GCSH: variants seen among roughly 807,000 people sequenced by gnomAD.
GCSH encodes the protein glycine cleavage system H protein, mitochondrial.
A neutral mutation model predicts 21.3 loss-of-function variants in GCSH; 15 were observed. The ratio of observed to expected loss-of-function variants is 0.70; its 90% CI spans 0.47 to 1.08. GCSH has a LOEUF of 1.08. Among genes scored for constraint, GCSH ranks in the 50% least tolerant of loss-of-function variants. The pLI is 0.00. For synonymous variants in GCSH, 59 were observed against 84.5 expected, an observed-to-expected ratio of 0.70 and a Z score of 1.66; for missense variants, 179 against 217.5, an observed-to-expected ratio of 0.82 and a Z score of 1.11.
chr16:81,092,891 G>T (rs558429387), intron 1 of GCSH, among the ~76,000 whole-genome samples: 1 of 152,066 alleles, frequency 6.6e-6, no homozygotes, highest in East Asian at 1.9e-4. Flanking sequence ...CAGCACTTTG[G>T]GAGGCCAAGG....
chr16:81,083,451 AGGTTG>A, intron 4 of GCSH: 1 of 186,206 alleles, frequency 5.4e-6, no homozygotes, highest in South Asian at 1.0e-4. Context: ...CGAGAAGGGG[AGGTTG>A]CAGTGCACCG....
At chr16:81,083,143 G>A in intron 4 of GCSH, 180 bp from the exon 5 acceptor site, 2 of 624,226 alleles carry the variant, frequency 3.2e-6, no homozygotes, top group Non-Finnish European at 5.8e-6. Flanking sequence ...TATAACAAAT[G>A]AAAATAATTA....
chr16:81,091,587 T>G (rs889524761), intron 1 of GCSH, among the ~76,000 whole-genome samples: 1 of 152,232 alleles, frequency 6.6e-6, no homozygotes, highest in South Asian at 2.1e-4. Flanking sequence ...ACAGTTCATA[T>G]TCTGACACCA....
rs551479060 is a variant in GCSH, at chr16:81,082,278, A to G, written c.*588T>C. 72 of 447,642 alleles carry G rather than the reference A, an allele frequency of 1.6e-4. 2 individuals are homozygous for G. Among genetic ancestry groups the G allele is most frequent in the South Asian group, 1.1e-3 (70 of 63,210 alleles). 27.7% of individuals were successfully genotyped at this position (447,642 alleles called of 1,614,324 possible). ...AGTTAAAGTTAGCACTTTCACAAAT[A>G]CTAGCAGAGTTACTAAATGAAATAT... On this transcript the variant is annotated 3_prime_UTR_variant, in exon 5 of 5. Coordinates refer to ENST00000315467, the MANE Select transcript of GCSH (RefSeq NM_004483.5).
intron 1 of GCSH, among the ~76,000 whole-genome samples, chr16:81,095,400 T>TTTTTTA (rs1972483260): frequency 1.5e-5 from 2 of 137,522 alleles, no homozygotes; most frequent in Non-Finnish European, 3.2e-5. Flanking sequence ...TTTTTTTTTT[T>TTTTTTA]GAGGTGGAGT....
intron 4 of GCSH, 48 bp downstream of exon 4, chr16:81,084,415 T>C (rs199824842): frequency 2.8e-6 from 4 of 1,408,340 alleles, no homozygotes. Flanking sequence ...CTAGATAAAA[T>C]ATTTACTGTA....
At chr16:81,095,481 C>G (rs911887947) in intron 1 of GCSH, among the ~76,000 whole-genome samples, 1 of 151,428 alleles carries the variant, frequency 6.6e-6, no homozygotes, top group Non-Finnish European at 1.5e-5. Context: ...CTCCCAGGTT[C>G]AAGCGATTCT....
At chr16:81,095,376 AATTTTTTTTTTTTTT>A (rs1178535799) in intron 1 of GCSH, among the ~76,000 whole-genome samples, 2 of 31,812 alleles carry the variant, frequency 6.3e-5, no homozygotes, top group Non-Finnish European at 1.3e-4. Flanking sequence ...CTGGCGCTTT[AATTTTTTTTTTTTTT>A]TTTTTTTTTG....
Position 81,082,855 on chromosome 16 carries a change from G to T in GCSH, c.*11C>A. On this transcript the variant is annotated 3_prime_UTR_variant, in exon 5 of 5. Coordinates refer to ENST00000315467, the MANE Select transcript of GCSH (RefSeq NM_004483.5). ...CGTTATTTCATACTAGTTTATTTAG[G>T]AGTTCCATTTTCACTCCTCAATAGA... is the stretch of plus-strand genomic sequence containing the variant. The T allele has an allele frequency of 9.3e-7, 1 of 1,073,352 alleles. No individual in the cohort carries two copies. The highest frequency in any genetic ancestry group is 1.2e-5 in the South Asian group (1 of 80,114). The allele number at this position is 1,073,352 out of a possible 1,614,324, so 66.5% of individuals were successfully genotyped here. A position where few individuals can be genotyped will look rare whatever the true frequency, so the allele number is the denominator to read the frequency against.
intron 3 of GCSH, among the ~76,000 whole-genome samples, chr16:81,085,015 C>CTTTTTT (rs34324394): frequency 2.8e-5 from 3 of 106,816 alleles, no homozygotes; most frequent in African/African-American, 3.8e-5. Flanking sequence ...GCACCTGGCT[C>CTTTTTT]TTTTTTTTTT....
intron 2 of GCSH, 34 bp downstream of exon 2, chr16:81,090,567 A>C (rs781351039): frequency 7.4e-7 from 1 of 1,353,244 alleles, no homozygotes; most frequent in South Asian, 1.2e-5. Context: ...ATGCAAGAGC[A>C]CACTGGGACA....
intron 2 of GCSH, among the ~76,000 whole-genome samples, chr16:81,090,096 C>CTTTT (rs112174861): frequency 0.031 from 4,591 of 146,170 alleles, 204 homozygotes; most frequent in African/African-American, 0.1. Context: ...TTCTTTCTTT[C>CTTTT]TTTTTTTTTT....
At chr16:81,087,190 G>A (rs1972298815) in intron 3 of GCSH, among the ~76,000 whole-genome samples, 1 of 151,932 alleles carries the variant, frequency 6.6e-6, no homozygotes, top group Non-Finnish European at 1.5e-5. Flanking sequence ...CTCAGCCTCT[G>A]AGTAGCAATT....
At position 81,082,928 on chromosome 16, in the gene GCSH, C is replaced by G; in HGVS notation, c.460G>C (p.Glu154Gln). 6 of 1,568,522 alleles carry G rather than the reference C, an allele frequency of 3.8e-6. No homozygotes were observed. The highest frequency in any genetic ancestry group is 2.2e-5 in the East Asian group (1 of 44,576). Residue 154 changes from glutamate to glutamine, a missense_variant, in exon 5 of 5, where the codon GAA becomes CAA. Coordinates refer to ENST00000315467, the MANE Select transcript of GCSH (RefSeq NM_004483.5). Reference protein sequence around the residue: ...LIKMTLSNPSELDELMSEEAY... With the variant: ...LIKMTLSNPSQLDELMSEEAY... ...TCTTCACTCATAAGTTCATCTAGTTCTGAAGGGTTACTCAGTGTCATCTTG... is the reference window on the plus strand; with the variant it reads ...TCTTCACTCATAAGTTCATCTAGTTGTGAAGGGTTACTCAGTGTCATCTTG...
chr16:81,095,972 G>A (rs1386421390), intron 1 of GCSH, among the ~76,000 whole-genome samples, 159 bp downstream of exon 1: 1 of 151,422 alleles, frequency 6.6e-6, no homozygotes, highest in Admixed American at 6.6e-5. Context: ...CGGCCGCAGA[G>A]CCAGGGATCC....
chr16:81,095,852 C>T (rs185717239), intron 1 of GCSH, among the ~76,000 whole-genome samples: 1 of 152,240 alleles, frequency 6.6e-6, no homozygotes, highest in African/African-American at 2.4e-5. Flanking sequence ...GCCCGCCGGA[C>T]CCGCCGGGCC....
At chr16:81,085,366 A>G (rs1427592340) in intron 3 of GCSH, among the ~76,000 whole-genome samples, 1 of 152,150 alleles carries the variant, frequency 6.6e-6, no homozygotes, top group Non-Finnish European at 1.5e-5. Context: ...TATAATAACC[A>G]CGAGAAGGGT....
chr16:81,095,699 G>A (rs920872953), intron 1 of GCSH, among the ~76,000 whole-genome samples: 1 of 151,932 alleles, frequency 6.6e-6, no homozygotes, highest in Non-Finnish European at 1.5e-5. Context: ...ATTTTACTTC[G>A]GAGTTCTCAG....
intron 2 of GCSH, among the ~76,000 whole-genome samples, chr16:81,088,586 G>C: frequency 6.6e-6 from 1 of 152,134 alleles, no homozygotes; most frequent in East Asian, 1.9e-4. Flanking sequence ...TTTTTTGCTA[G>C]AGATGCAGTT....
Sources: gnomAD v4.1 joint callset for allele counts (sites outside exome capture counted in the v4.1 genomes callset) on GRCh38, gnomAD v4.1.1 for gene constraint, MANE v1.5 for transcripts, NCBI Gene and HGNC (gene_info 2026-07-23, HGNC 2026-07-21) for gene names.